Variants in YTHDC2 observed in about 807,000 individuals in gnomAD.
YTHDC2 encodes YTH N6-methyladenosine RNA binding protein C2.
Under a neutral mutation model 174.9 loss-of-function variants are expected in YTHDC2, and 45 were observed. That is an observed-to-expected ratio of 0.26 (90% CI 0.20 to 0.33). The LOEUF (loss-of-function observed/expected upper bound fraction) is 0.33. Ranked by LOEUF, YTHDC2 falls within the 10% of genes least tolerant of loss-of-function variation. The pLI is 1.00. For synonymous variants in YTHDC2, 657 were observed against 574.5 expected, an observed-to-expected ratio of 1.14 and a Z score of -2.05; for missense variants, 1,650 against 1,723.7, an observed-to-expected ratio of 0.96 and a Z score of 0.76.
intron 28 of YTHDC2, 70 bp downstream of exon 28, chr5:113,592,248 T>G: frequency 7.0e-7 from 1 of 1,420,568 alleles, no homozygotes; most frequent in South Asian, 1.5e-5. Flanking sequence ...GTGCTTTAAT[T>G]GAGGAGAAAA....
At chr5:113,523,623 C>G (rs1443353459) in intron 2 of YTHDC2, among the ~76,000 whole-genome samples, 3 of 152,102 alleles carry the variant, frequency 2.0e-5, no homozygotes, top group Non-Finnish European at 4.4e-5. Context: ...CCACCAAGTA[C>G]TTTTTAAGGA....
At chr5:113,592,304 G>C in intron 28 of YTHDC2, 126 bp downstream of exon 28, 1 of 943,182 alleles carries the variant, frequency 1.1e-6, no homozygotes. Flanking sequence ...GGGAAACAGG[G>C]GTTCAGGTTT....
At chr5:113,591,338 GA>G in intron 27 of YTHDC2, 94 bp downstream of exon 27, 3 of 1,202,872 alleles carry the variant, frequency 2.5e-6, no homozygotes, top group Non-Finnish European at 3.6e-6. Context: ...CATTGCATCA[GA>G]ATGCAAGAAT....
chr5:113,559,012 A>T (rs1162836056), intron 17 of YTHDC2, among the ~76,000 whole-genome samples: 1 of 152,104 alleles, frequency 6.6e-6, no homozygotes, highest in Non-Finnish European at 1.5e-5. Flanking sequence ...TATAATACAG[A>T]TGGAAATTGA....
In YTHDC2 at chr5:113,525,174, G is replaced by C. The variant is rs1774129251; in HGVS notation, c.472G>C (p.Ala158Pro). ...TERGNVFAVE[A>P]ENREMSKTSG... ...AAGAGGAAATGTGTTTGCAGTTGAA[G>C]CTGGTATGTATTTTCTGGGGAGCTT... The change falls in exon 3 of 30, where the codon GCT becomes CCT. Residue 158 changes from alanine to proline, a missense_variant. By Grantham distance (27) the Ala-to-Pro change is conservative. This residue lies in a region of YTHDC2 where 304 missense variants were observed against 341.4 expected (regional missense o/e 0.89). Coordinates refer to ENST00000161863, the MANE Select transcript of YTHDC2 (RefSeq NM_022828.5). The C allele has an allele frequency of 1.9e-6, 3 of 1,587,334 alleles. No homozygotes were observed. In the African/African-American group the frequency reaches 4.1e-5, roughly 22 times the overall value.
intron 3 of YTHDC2, among the ~76,000 whole-genome samples, chr5:113,525,567 A>G (rs1296932070): frequency 6.6e-6 from 1 of 152,056 alleles, no homozygotes; most frequent in South Asian, 2.1e-4. Context: ...AAACCAGCCA[A>G]TAAACTGCAG....
chr5:113,565,398 A>G (rs1013750451), intron 20 of YTHDC2, among the ~76,000 whole-genome samples: 2 of 152,160 alleles, frequency 1.3e-5, no homozygotes, highest in African/African-American at 4.8e-5. Context: ...TCAGTCTTTT[A>G]GTTATATATA....
intron 18 of YTHDC2, among the ~76,000 whole-genome samples, chr5:113,561,539 G>T (rs1776974598): frequency 6.7e-6 from 1 of 150,334 alleles, no homozygotes; most frequent in African/African-American, 2.5e-5. Flanking sequence ...CGCGATCTCG[G>T]CTCACTGCAA....
intron 2 of YTHDC2, among the ~76,000 whole-genome samples, chr5:113,521,998 C>T (rs1010972555): frequency 6.6e-6 from 1 of 151,876 alleles, no homozygotes; most frequent in Non-Finnish European, 1.5e-5. Flanking sequence ...TACTACATTT[C>T]CAATTCTGTA....
At chr5:113,556,179 G>A in intron 17 of YTHDC2, 45 bp downstream of exon 17, 2 of 1,193,874 alleles carry the variant, frequency 1.7e-6, no homozygotes, top group Non-Finnish European at 2.4e-6. Flanking sequence ...CTGTAAAATG[G>A]AAACGTTTTT....
At chr5:113,576,501 T>C (rs752248562) in intron 23 of YTHDC2, among the ~76,000 whole-genome samples, 4 of 152,198 alleles carry the variant, frequency 2.6e-5, no homozygotes, top group Non-Finnish European at 4.4e-5. Context: ...TTGATAAAAA[T>C]GTATAGATAT....
At chr5:113,568,841 G>A (rs1419131888) in intron 23 of YTHDC2, among the ~76,000 whole-genome samples, 2 of 152,040 alleles carry the variant, frequency 1.3e-5, no homozygotes, top group East Asian at 3.9e-4. Flanking sequence ...ACATACAAAT[G>A]TACTTATCTT....
At chr5:113,553,068 A>G (rs928104704) in intron 12 of YTHDC2, 113 bp from the exon 13 acceptor site, 2 of 1,030,256 alleles carry the variant, frequency 1.9e-6, no homozygotes, top group Non-Finnish European at 1.3e-6. Context: ...TAGCTAGGAC[A>G]TTAAGTGTCA....
At position 113,550,045 on chromosome 5, in the gene YTHDC2, T is replaced by G. The variant is rs78970373; in HGVS notation, c.1688+1025T>G. Among the ~76,000 whole-genome samples, 466 of 152,104 alleles carry G rather than the reference T, an allele frequency of 3.1e-3. 2 individuals are homozygous for G. The highest frequency in any genetic ancestry group is 0.011 in the African/African-American group (455 of 41,498). ...ATAAGAAAATTTGCTTCCTATGTACTCCTTTATTAGGAAACTGTTGGAGAA... is the reference window on the plus strand; with the variant it reads ...ATAAGAAAATTTGCTTCCTATGTACGCCTTTATTAGGAAACTGTTGGAGAA... On this transcript the variant is annotated intron_variant, in intron 12 of 29. Coordinates refer to ENST00000161863, the MANE Select transcript of YTHDC2 (RefSeq NM_022828.5).
chr5:113,521,651 A>T (rs575034911), intron 2 of YTHDC2, among the ~76,000 whole-genome samples: 5 of 151,828 alleles, frequency 3.3e-5, no homozygotes, highest in Non-Finnish European at 5.9e-5. Context: ...GAACTGCTTG[A>T]ACCCAGGAGG....
At chr5:113,541,405 G>C (rs1232974752) in intron 9 of YTHDC2, among the ~76,000 whole-genome samples, 1 of 151,874 alleles carries the variant, frequency 6.6e-6, no homozygotes, top group Non-Finnish European at 1.5e-5. Flanking sequence ...GTTAGCCAGG[G>C]TGGTCTTGAT....
chr5:113,539,102 A>G lies in YTHDC2; in HGVS notation c.1131A>G (p.Glu377=), dbSNP rs1561645281. 2.1e-6 allele frequency: 3 copies of G among 1,435,138 alleles called. No homozygotes were observed. The highest frequency in any genetic ancestry group is 5.0e-5 in the East Asian group (2 of 39,758). 88.9% of individuals were successfully genotyped at this position (1,435,138 alleles called of 1,614,324 possible). A position where few individuals can be genotyped will look rare whatever the true frequency, so the allele number is the denominator to read the frequency against. Residue 377 remains glutamate, a synonymous_variant, in exon 8 of 30, where the codon GAA becomes GAG. Coordinates refer to ENST00000161863, the MANE Select transcript of YTHDC2 (RefSeq NM_022828.5). ...YIQGRPFEVK[E]MFLEDILRTT... ...AGGGAAGACCATTTGAAGTAAAAGAAATGTTTCTGGAAGATATTTTAAGAA... is the reference window on the plus strand; with the variant it reads ...AGGGAAGACCATTTGAAGTAAAAGAGATGTTTCTGGAAGATATTTTAAGAA...
intron 17 of YTHDC2, among the ~76,000 whole-genome samples, chr5:113,558,289 A>G (rs1200651672): frequency 1.3e-5 from 2 of 152,214 alleles, no homozygotes; most frequent in African/African-American, 2.4e-5. Context: ...TGACATGAGT[A>G]TAGTATTCTT....
chr5:113,533,872 A>G (rs777258852), intron 5 of YTHDC2, among the ~76,000 whole-genome samples: 33 of 152,290 alleles, frequency 2.2e-4, no homozygotes, highest in African/African-American at 7.5e-4. Context: ...AACTGGAGGT[A>G]TTCTAAAATC....
Sources: gnomAD v4.1 joint callset for allele counts (sites outside exome capture counted in the v4.1 genomes callset) on GRCh38, gnomAD v4.1.1 for gene constraint, gnomAD v4.1.1 regional missense constraint, MANE v1.5 for transcripts, NCBI Gene and HGNC (gene_info 2026-07-23, HGNC 2026-07-21) for gene names.